Variants in GRM7 observed in about 807,000 individuals in gnomAD.
GRM7 encodes glutamate metabotropic receptor 7.
Under a neutral mutation model 84.5 loss-of-function variants are expected in GRM7, and 35 were observed. The observed-to-expected ratio is 0.41, with a 90% CI of 0.32 to 0.55. GRM7 has a LOEUF of 0.55. Among genes scored for constraint, GRM7 ranks in the 20% least tolerant of loss-of-function variants. The pLI is 0.19. For missense variants in GRM7, 1,003 were observed against 1,194.6 expected (o/e 0.84, Z 2.36); for synonymous variants, 487 against 455.1 (o/e 1.07, Z -0.89).
chr3:7,702,993 T>A (rs914361536), intron 9 of GRM7, among the ~76,000 whole-genome samples: 1 of 152,172 alleles, frequency 6.6e-6, no homozygotes, highest in Admixed American at 6.6e-5. Context: ...TGGTTCTCAG[T>A]ACTGACTGCT....
chr3:7,523,782 G>C lies in GRM7; in HGVS notation c.1516-54640G>C, dbSNP rs566251381. ...GTTGCATTAGCATATAGGTGGATCG[G>C]GATATAGTGGGGATTAAGGACAGAT... On this transcript the variant is annotated intron_variant, in intron 7 of 9. Coordinates refer to ENST00000357716, the MANE Select transcript of GRM7 (RefSeq NM_000844.4). Among the ~76,000 whole-genome samples, 7 of 152,156 alleles carry C rather than the reference G, an allele frequency of 4.6e-5. No individual in the cohort carries two copies. The East Asian group carries it at 1.4e-3, about 29-fold the overall frequency.
At chr3:7,435,855 T>A (rs1002892995) in intron 5 of GRM7, among the ~76,000 whole-genome samples, 3 of 122,554 alleles carry the variant, frequency 2.4e-5, no homozygotes, top group African/African-American at 1.1e-4. Context: ...ACCCATCTTT[T>A]TTTTTTTTTT....
intron 1 of GRM7, among the ~76,000 whole-genome samples, chr3:6,963,601 T>C (rs975910951): frequency 2.6e-5 from 4 of 152,166 alleles, no homozygotes; most frequent in African/African-American, 9.7e-5. Flanking sequence ...GAGCCAGAGC[T>C]TGCCTCTAAC....
chr3:7,118,978 T>C (rs1693131505), intron 1 of GRM7, among the ~76,000 whole-genome samples: 1 of 152,156 alleles, frequency 6.6e-6, no homozygotes, highest in South Asian at 2.1e-4. Flanking sequence ...TTAATCTCTA[T>C]TTTCTCTCTT....
intron 1 of GRM7, among the ~76,000 whole-genome samples, chr3:6,887,794 A>C (rs1216771412): frequency 6.6e-6 from 1 of 152,198 alleles, no homozygotes; most frequent in African/African-American, 2.4e-5. Flanking sequence ...TAGATCCTTG[A>C]GGAATGGCCA....
chr3:7,241,579 A>G (rs1167153727), intron 2 of GRM7, among the ~76,000 whole-genome samples: 1 of 152,130 alleles, frequency 6.6e-6, no homozygotes, highest in Non-Finnish European at 1.5e-5. Flanking sequence ...AAGATATATC[A>G]GATATGACTC....
intron 1 of GRM7, among the ~76,000 whole-genome samples, chr3:6,961,850 G>A (rs1484062387): frequency 6.6e-6 from 1 of 152,002 alleles, no homozygotes; most frequent in African/African-American, 2.4e-5. Context: ...CTCAGCATAT[G>A]GATCTGTACT....
At chr3:7,410,434 ATGG>A (rs1695876426) in intron 4 of GRM7, among the ~76,000 whole-genome samples, 1 of 152,044 alleles carries the variant, frequency 6.6e-6, no homozygotes, top group Non-Finnish European at 1.5e-5. Flanking sequence ...TTATCCAGGC[ATGG>A]TGGTGCCCAC....
chr3:7,682,938 T>C (rs1700437847), intron 9 of GRM7, among the ~76,000 whole-genome samples: 1 of 152,332 alleles, frequency 6.6e-6, no homozygotes, highest in Non-Finnish European at 1.5e-5. Flanking sequence ...TGAGGAAACC[T>C]TGGCTTCCCA....
intron 1 of GRM7, among the ~76,000 whole-genome samples, chr3:6,874,734 G>A (rs1695241115): frequency 6.6e-6 from 1 of 152,160 alleles, no homozygotes; most frequent in Admixed American, 6.5e-5. Context: ...TCCTGTGAGA[G>A]TAGAGAAGCT....
chr3:7,196,887 T>C (rs1157148622), intron 2 of GRM7, among the ~76,000 whole-genome samples: 1 of 152,202 alleles, frequency 6.6e-6, no homozygotes, highest in African/African-American at 2.4e-5. Context: ...ACATGAAAGT[T>C]ACCCAGTGAA....
chr3:7,547,410 G>A (rs1281609585), intron 7 of GRM7, among the ~76,000 whole-genome samples: 1 of 151,938 alleles, frequency 6.6e-6, no homozygotes, highest in African/African-American at 2.4e-5. Flanking sequence ...GTTTCACTGT[G>A]TTAGCCAGGA....
chr3:7,145,046 G>A (rs547249556), intron 1 of GRM7, among the ~76,000 whole-genome samples: 1 of 152,268 alleles, frequency 6.6e-6, no homozygotes, highest in South Asian at 2.1e-4. Context: ...GCGATAACTA[G>A]CCTTAAACTA....
rs115246560 is a variant in GRM7 at position 7,671,540 on chromosome 3, T to C, written c.2452-8509T>C. Among the ~76,000 whole-genome samples the C allele has an allele frequency of 2.6e-3, 391 of 151,436 alleles. 4 individuals carry two copies. The highest frequency in any genetic ancestry group is 9.0e-3 in the African/African-American group (371 of 41,208). ...TTGTGTGTAGCCTTAATATCATGTC[T>C]GCCTGGAGATGTTAAATGAGAAAAA... On this transcript the variant is annotated intron_variant, in intron 8 of 9. Coordinates refer to ENST00000357716, the MANE Select transcript of GRM7 (RefSeq NM_000844.4).
intron 1 of GRM7, among the ~76,000 whole-genome samples, chr3:7,046,110 T>C (rs1428410068): frequency 6.6e-6 from 1 of 152,178 alleles, no homozygotes; most frequent in African/African-American, 2.4e-5. Context: ...TGACTTTCCC[T>C]GATAATCGAT....
At chr3:6,926,979 A>C (rs1209755717) in intron 1 of GRM7, among the ~76,000 whole-genome samples, 1 of 152,190 alleles carries the variant, frequency 6.6e-6, no homozygotes, top group Admixed American at 6.5e-5. Context: ...TCTTTTTATC[A>C]TAGTCAGGTC....
chr3:7,569,426 C>A (rs1694527320), intron 7 of GRM7, among the ~76,000 whole-genome samples: 1 of 152,060 alleles, frequency 6.6e-6, no homozygotes, highest in Non-Finnish European at 1.5e-5. Flanking sequence ...TTGTGTCTAG[C>A]TCAGGGAATG....
intron 2 of GRM7, among the ~76,000 whole-genome samples, chr3:7,191,306 A>G (rs575371942): frequency 6.6e-6 from 1 of 151,890 alleles, no homozygotes; most frequent in Non-Finnish European, 1.5e-5. Flanking sequence ...TTTTGTGACA[A>G]TTCCTTTATA....
rs144904457 is a variant in GRM7 at position 7,048,634 on chromosome 3, A to G, written c.520-97818A>G. On this transcript the variant is annotated intron_variant, in intron 1 of 9. Transcript: ENST00000357716. ...AAGAATTATTTATATTGTACAACAT[A>G]AAGGTTTTGATATGTATATATGGAC... 1.3e-3 allele frequency among the ~76,000 whole-genome samples: 204 copies of G among 152,088 alleles called. 6 individuals carry two copies. The East Asian group carries it at 0.035, about 26-fold the overall frequency.
Sources: allele counts gnomAD v4.1 joint callset (sites outside exome capture counted in the v4.1 genomes callset), GRCh38; gene constraint gnomAD v4.1.1; transcripts MANE v1.5; gene names NCBI Gene and HGNC (gene_info 2026-07-23, HGNC 2026-07-21).